Variants in NREP observed in about 807,000 individuals in gnomAD.
NREP encodes neuronal regeneration-related protein.
NREP carries 5 observed loss-of-function variants against 8.6 expected under a neutral mutation model. The ratio of observed to expected loss-of-function variants is 0.58; its 90% CI spans 0.30 to 1.22. The LOEUF (loss-of-function observed/expected upper bound fraction) is 1.22. NREP is among the 50% of genes most tolerant of loss of function. The probability of loss-of-function intolerance (pLI) is 0.07; values close to 1 mark genes in which losing one functional copy is unlikely to be tolerated. For missense variants in NREP, 86 were observed against 82.5 expected (o/e 1.04, Z -0.17); for synonymous variants, 27 against 28.0 (o/e 0.96, Z 0.11).
At chr5:111,930,102 G>A (rs1581228102) in intron 2 of NREP, among the ~76,000 whole-genome samples, 1 of 152,290 alleles carries the variant, frequency 6.6e-6, no homozygotes, top group South Asian at 2.1e-4. Context: ...CAGGGTCTCA[G>A]GAAAAGGGCG....
rs1038500142 is a variant in NREP, at chr5:111,865,789, A to G, written c.135+109485T>C. ...CTGTGAGGTAACGTGGATACAAAGC[A>G]CTGAAATTAATTTTAAAAGTTCACT... On this transcript the variant is annotated intron_variant, in intron 2 of 3. Transcript: ENST00000395634. Among the ~76,000 whole-genome samples, 9 of 152,124 alleles carry G rather than the reference A, an allele frequency of 5.9e-5. No individual in the cohort carries two copies. The South Asian group carries it at 1.7e-3, about 28-fold the overall frequency.
At chr5:111,905,758 C>T (rs1291829631) in intron 2 of NREP, among the ~76,000 whole-genome samples, 3 of 151,998 alleles carry the variant, frequency 2.0e-5, no homozygotes, top group African/African-American at 4.8e-5. Context: ...CAAATATACG[C>T]TATTATTAAT....
chr5:111,759,713 C>T (rs1404930375), upstream of NREP, among the ~76,000 whole-genome samples: 2 of 152,180 alleles, frequency 1.3e-5, no homozygotes, highest in Non-Finnish European at 2.9e-5. Context: ...GTGAAGGGGG[C>T]TGTGCTAATC....
At chr5:111,837,084 T>C (rs1021611167) in intron 2 of NREP, among the ~76,000 whole-genome samples, 3 of 152,140 alleles carry the variant, frequency 2.0e-5, no homozygotes, top group African/African-American at 7.2e-5. Flanking sequence ...TCAGTGGAAA[T>C]TCACTTATAG....
intron 2 of NREP, among the ~76,000 whole-genome samples, chr5:111,905,670 A>C (rs2112555289): frequency 6.6e-6 from 1 of 152,252 alleles, no homozygotes; most frequent in South Asian, 2.1e-4. Flanking sequence ...TCAATGTTTT[A>C]GTGCTGTTGG....
chr5:111,757,859 C>G (rs2112858639), upstream of NREP: 1 of 976,360 alleles, frequency 1.0e-6, no homozygotes, highest in East Asian at 1.1e-4. Flanking sequence ...GCGCGCCAAG[C>G]GTGAAGGCGG....
At chr5:111,768,307 T>A (rs1751133906) in intron 2 of NREP, among the ~76,000 whole-genome samples, 1 of 152,162 alleles carries the variant, frequency 6.6e-6, no homozygotes, top group Non-Finnish European at 1.5e-5. Context: ...TTGGTTTGAT[T>A]TGTTTTGGAA....
intron 2 of NREP, among the ~76,000 whole-genome samples, chr5:111,819,749 C>A (rs1220881925): frequency 1.3e-5 from 2 of 152,146 alleles, no homozygotes; most frequent in African/African-American, 4.8e-5. Flanking sequence ...ATTGAACTTA[C>A]AAGCAATAGC....
intron 2 of NREP, among the ~76,000 whole-genome samples, chr5:111,749,132 G>A (rs1408477402): frequency 2.6e-5 from 4 of 152,082 alleles, no homozygotes; most frequent in Admixed American, 2.6e-4. Flanking sequence ...ATCCACTATG[G>A]CTAGAAATAA....
intron 2 of NREP, among the ~76,000 whole-genome samples, chr5:111,937,097 C>T (rs1009185167): frequency 3.3e-5 from 5 of 152,074 alleles, no homozygotes; most frequent in Admixed American, 3.3e-4. Flanking sequence ...AGAACAGCAC[C>T]TTTCACCTTC....
chr5:111,819,721 A>T (rs932897428), intron 2 of NREP, among the ~76,000 whole-genome samples: 1 of 152,192 alleles, frequency 6.6e-6, no homozygotes, highest in African/African-American at 2.4e-5. Flanking sequence ...TATTTAATAT[A>T]CATTGTTGAT....
chr5:111,791,325 A>G (rs1434790818), intron 2 of NREP, among the ~76,000 whole-genome samples: 2 of 152,064 alleles, frequency 1.3e-5, no homozygotes, highest in Admixed American at 1.3e-4. Context: ...TATTCCTCCT[A>G]ATTGGAATTT....
At chr5:111,862,516 A>C (rs894633290) in intron 2 of NREP, among the ~76,000 whole-genome samples, 3 of 152,132 alleles carry the variant, frequency 2.0e-5, no homozygotes, top group African/African-American at 7.2e-5. Context: ...AGGTTGAGGG[A>C]TGTATGACTG....
chr5:111,831,317 T>A (rs1226016796), intron 2 of NREP, among the ~76,000 whole-genome samples: 3 of 152,210 alleles, frequency 2.0e-5, no homozygotes, highest in African/African-American at 7.2e-5. Context: ...CCTCACAGTT[T>A]CTGGTGTTAA....
At chr5:111,892,610 T>G (rs1477708168) in intron 2 of NREP, among the ~76,000 whole-genome samples, 1 of 150,260 alleles carries the variant, frequency 6.7e-6, no homozygotes, top group Admixed American at 6.6e-5. Flanking sequence ...TCTATATTTT[T>G]GGAAAAAAAA....
At chr5:111,799,918 A>C (rs1320985192) in intron 2 of NREP, among the ~76,000 whole-genome samples, 1 of 151,936 alleles carries the variant, frequency 6.6e-6, no homozygotes. Context: ...TATTTAATGA[A>C]ATGTAATTTT....
chr5:111,963,753 T>C (rs1298825981), intron 2 of NREP, among the ~76,000 whole-genome samples: 1 of 152,222 alleles, frequency 6.6e-6, no homozygotes, highest in Non-Finnish European at 1.5e-5. Context: ...CTCAGTTGGT[T>C]CAATTCTTCA....
At chr5:111,827,266 G>A (rs541593180) in intron 2 of NREP, among the ~76,000 whole-genome samples, 1 of 152,120 alleles carries the variant, frequency 6.6e-6, no homozygotes, top group African/African-American at 2.4e-5. Flanking sequence ...TCAGTGTAAG[G>A]GATGCACACG....
At chr5:111,743,994 G>GT (rs1375552095) in intron 2 of NREP, among the ~76,000 whole-genome samples, 1 of 152,050 alleles carries the variant, frequency 6.6e-6, no homozygotes, top group Non-Finnish European at 1.5e-5. Flanking sequence ...GGCTGATGAG[G>GT]TAAGTATTTA....
Sources: allele counts gnomAD v4.1 joint callset (sites outside exome capture counted in the v4.1 genomes callset), GRCh38; gene constraint gnomAD v4.1.1; transcripts MANE v1.5; gene names NCBI Gene and HGNC (gene_info 2026-07-23, HGNC 2026-07-21).